TRPC7: variants seen among roughly 807,000 people sequenced by gnomAD.
The protein encoded by TRPC7 is short transient receptor potential channel 7.
Under a neutral mutation model 90.1 loss-of-function variants are expected in TRPC7, and 42 were observed. The observed-to-expected ratio is 0.47, with a 90% confidence interval of 0.36 to 0.60. The LOEUF is 0.60. TRPC7 is among the 20% of genes least tolerant of loss of function. The probability of loss-of-function intolerance (pLI) is 0.00; values close to 1 mark genes in which losing one functional copy is unlikely to be tolerated. For missense variants in TRPC7, 955 were observed against 1,112.3 expected (o/e 0.86, Z 2.01); for synonymous variants, 451 against 436.3 (o/e 1.03, Z -0.42).
intron 8 of TRPC7, among the ~76,000 whole-genome samples, chr5:136,229,146 C>T (rs1383899327): frequency 6.6e-6 from 1 of 152,196 alleles, no homozygotes; most frequent in Non-Finnish European, 1.5e-5. Flanking sequence ...GACAAGAGCT[C>T]ATTATCCACA....
chr5:136,282,427 T>C (rs1757575691), intron 3 of TRPC7, among the ~76,000 whole-genome samples: 1 of 152,226 alleles, frequency 6.6e-6, no homozygotes, highest in Admixed American at 6.5e-5. Context: ...AATCACATTT[T>C]GTATTTTATT....
intron 2 of TRPC7, among the ~76,000 whole-genome samples, chr5:136,352,477 A>T (rs1345758429): frequency 6.6e-6 from 1 of 152,164 alleles, no homozygotes; most frequent in Non-Finnish European, 1.5e-5. Flanking sequence ...CATAAAGATG[A>T]TCAGTGAAGA....
At chr5:136,223,325 G>A (rs1227161275) in intron 10 of TRPC7, among the ~76,000 whole-genome samples, 4 of 152,164 alleles carry the variant, frequency 2.6e-5, no homozygotes, top group African/African-American at 9.6e-5. Context: ...TTTTGAAAAT[G>A]GTCTCCTGCT....
chr5:136,304,893 C>T (rs1174487821), intron 3 of TRPC7, among the ~76,000 whole-genome samples: 2 of 152,222 alleles, frequency 1.3e-5, no homozygotes, highest in Admixed American at 1.3e-4. Flanking sequence ...AGGACCGTAC[C>T]CTGTAGCCTT....
At chr5:136,301,657 C>T (rs994116926) in intron 3 of TRPC7, among the ~76,000 whole-genome samples, 26 of 152,122 alleles carry the variant, frequency 1.7e-4, no homozygotes, top group African/African-American at 5.6e-4. Context: ...CACCCCTGCC[C>T]GCAAAACATT....
At chr5:136,298,467 T>G (rs951606120) in intron 3 of TRPC7, among the ~76,000 whole-genome samples, 1 of 152,174 alleles carries the variant, frequency 6.6e-6, no homozygotes, top group Admixed American at 6.5e-5. Flanking sequence ...AAAAAGATGC[T>G]AGTGTCCTGC....
chr5:136,320,245 A>G (rs966130629), intron 2 of TRPC7, among the ~76,000 whole-genome samples: 1 of 152,000 alleles, frequency 6.6e-6, no homozygotes, highest in Non-Finnish European at 1.5e-5. Context: ...TGCAAGTTCT[A>G]CTTGCCAAAT....
At chr5:136,344,413 A>C (rs954637369) in intron 2 of TRPC7, among the ~76,000 whole-genome samples, 1 of 152,236 alleles carries the variant, frequency 6.6e-6, no homozygotes, top group Non-Finnish European at 1.5e-5. Context: ...AAATATGCAC[A>C]TGTATCCCTG....
chr5:136,262,043 C>A (rs1756873645), intron 5 of TRPC7, among the ~76,000 whole-genome samples: 1 of 152,134 alleles, frequency 6.6e-6, no homozygotes. Flanking sequence ...ATATACAATC[C>A]AATTGTAAGT....
intron 7 of TRPC7, among the ~76,000 whole-genome samples, chr5:136,240,091 C>G (rs1361579948): frequency 6.6e-6 from 1 of 152,240 alleles, no homozygotes; most frequent in Non-Finnish European, 1.5e-5. Context: ...GCTTCACAAT[C>G]TAGCTCCCAC....
At chr5:136,358,424 G>T (rs1358037442) in intron 1 of TRPC7, among the ~76,000 whole-genome samples, 1 of 152,124 alleles carries the variant, frequency 6.6e-6, no homozygotes, top group Non-Finnish European at 1.5e-5. Context: ...TGTAATTCTT[G>T]CATCAAATCT....
At chr5:136,243,290 T>C (rs1756225421) in intron 7 of TRPC7, among the ~76,000 whole-genome samples, 1 of 151,332 alleles carries the variant, frequency 6.6e-6, no homozygotes, top group Non-Finnish European at 1.5e-5. Flanking sequence ...GAACAGTCTT[T>C]AGAGACTCCA....
chr5:136,330,993 T>C (rs1056350660), intron 2 of TRPC7, among the ~76,000 whole-genome samples: 15 of 151,362 alleles, frequency 9.9e-5, no homozygotes, highest in African/African-American at 3.4e-4. Flanking sequence ...GTTTATGGAG[T>C]CCCCCCGCCA....
Position 136,231,273 on chromosome 5 carries a change from T to C in TRPC7, c.2040+81A>G, listed in dbSNP as rs1755803915. The C allele has an allele frequency of 6.3e-6, 8 of 1,263,176 alleles. No individual in the cohort carries two copies. The Admixed American group carries it at 1.2e-4, about 20-fold the overall frequency. The allele number at this position is 1,263,176 out of a possible 1,614,324, so 78.2% of individuals were successfully genotyped here. A position where few individuals can be genotyped will look rare whatever the true frequency, so the allele number is the denominator to read the frequency against. The stretch of plus-strand genomic sequence containing the variant: ...GCACATTTAACAACACATGGGCTTC[T>C]AACATCATTCCCCTCATTGCTGAAA... On this transcript the variant is annotated intron_variant, in intron 8 of 11. Transcript: ENST00000513104.
chr5:136,287,687 C>CAAAAAAAAAA lies in TRPC7; in HGVS notation c.964-12860_964-12851dup, dbSNP rs767031610. Reference sequence around the variant, plus strand: ...TAGTGTCAGGGACAGAGTGGATGCTCAAAAAAAAAAAAAAAAAAAAAAAAA... The same window carrying CAAAAAAAAAA: ...TAGTGTCAGGGACAGAGTGGATGCTCAAAAAAAAAAAAAAAAAAAAAAAAAAAAAAAAAAA... On this transcript the variant is annotated intron_variant, in intron 3 of 11. Transcript: ENST00000513104. Among the ~76,000 whole-genome samples the CAAAAAAAAAA allele has an allele frequency of 1.3e-4, 8 of 59,514 alleles. 1 individual carries two copies. The highest frequency in any genetic ancestry group is 2.1e-4 in the Non-Finnish European group (7 of 34,142). The allele number at this position is 59,514 out of a possible 152,430, so 39.0% of individuals were successfully genotyped here. A position where few individuals can be genotyped will look rare whatever the true frequency, so the allele number is the denominator to read the frequency against.
intron 2 of TRPC7, among the ~76,000 whole-genome samples, chr5:136,322,207 G>A (rs565240858): frequency 2.0e-5 from 3 of 152,114 alleles, no homozygotes; most frequent in African/African-American, 7.2e-5. Context: ...TAGAGACAGG[G>A]TTTCACCATG....
chr5:136,340,317 T>C (rs1315856622), intron 2 of TRPC7, among the ~76,000 whole-genome samples: 1 of 152,064 alleles, frequency 6.6e-6, no homozygotes, highest in African/African-American at 2.4e-5. Context: ...GGTAAGGAAA[T>C]GGGAGATGTT....
intron 5 of TRPC7, among the ~76,000 whole-genome samples, chr5:136,256,520 CCTCA>C (rs2149808047): frequency 6.6e-6 from 1 of 152,164 alleles, no homozygotes; most frequent in East Asian, 1.9e-4. Context: ...TCCCTCCCAC[CCTCA>C]CTGTGTCATA....
chr5:136,313,176 C>G (rs747899486), intron 3 of TRPC7, among the ~76,000 whole-genome samples: 12 of 152,030 alleles, frequency 7.9e-5, no homozygotes, highest in Non-Finnish European at 1.3e-4. Flanking sequence ...AGCTGTTTGA[C>G]TGTTTAACTA....
Sources: gnomAD v4.1 joint callset for allele counts (sites outside exome capture counted in the v4.1 genomes callset) on GRCh38, gnomAD v4.1.1 for gene constraint, MANE v1.5 for transcripts, NCBI Gene and HGNC (gene_info 2026-07-23, HGNC 2026-07-21) for gene names.